The following CDC20B variants were observed in gnomAD, a reference collection of about 807,000 sequenced individuals.
CDC20B encodes the protein cell division cycle 20B.
In CDC20B, 58 loss-of-function variants were observed where a neutral mutation model predicts 64.1. That is an observed-to-expected ratio of 0.90 (90% CI 0.73 to 1.13). The LOEUF is 1.13. Among genes scored for constraint, CDC20B ranks in the 50% most tolerant of loss-of-function variants. CDC20B has a pLI of 0.00. For missense variants in CDC20B, 597 were observed against 633.0 expected (o/e 0.94, Z 0.61); for synonymous variants, 243 against 230.6 (o/e 1.05, Z -0.49).
intron 3 of CDC20B, among the ~76,000 whole-genome samples, chr5:55,144,564 A>G (rs1163061344): frequency 6.6e-6 from 1 of 152,190 alleles, no homozygotes; most frequent in East Asian, 1.9e-4. Flanking sequence ...AGCAATATAT[A>G]TTACATTTAG....
intron 6 of CDC20B, among the ~76,000 whole-genome samples, chr5:55,132,568 A>G (rs1201892948): frequency 6.6e-6 from 1 of 152,142 alleles, no homozygotes; most frequent in Non-Finnish European, 1.5e-5. Context: ...AATAATCATG[A>G]ATTCATTTCT....
chr5:55,119,753 G>C, intron 11 of CDC20B, 48 bp downstream of exon 11: 2 of 1,127,600 alleles, frequency 1.8e-6, no homozygotes, highest in Non-Finnish European at 2.7e-6. Flanking sequence ...CCCAACAACA[G>C]CTCACTTTGC....
chr5:55,132,955 T>C (rs1189566331), intron 6 of CDC20B, among the ~76,000 whole-genome samples: 2 of 152,230 alleles, frequency 1.3e-5, no homozygotes, highest in Non-Finnish European at 2.9e-5. Flanking sequence ...CGAAGCTCAC[T>C]AAGCTCCTTC....
At chr5:55,133,586 C>A in intron 5 of CDC20B, 58 bp from the exon 6 acceptor site, 2 of 746,452 alleles carry the variant, frequency 2.7e-6, no homozygotes, top group Admixed American at 2.9e-5. Context: ...AATATTTATT[C>A]TTGTGGGAAT....
At chr5:55,118,945 C>G (rs570785684) in intron 11 of CDC20B, among the ~76,000 whole-genome samples, 5 of 152,190 alleles carry the variant, frequency 3.3e-5, no homozygotes, top group Non-Finnish European at 5.9e-5. Context: ...TCTCCTCTCA[C>G]AAAAGTGTAG....
At chr5:55,159,112 G>A (rs946246052) in intron 2 of CDC20B, among the ~76,000 whole-genome samples, 14 of 152,214 alleles carry the variant, frequency 9.2e-5, no homozygotes, top group Admixed American at 2.0e-4. Context: ...AACCTCCTGG[G>A]ATCAAGCGAT....
At position 55,127,266 on chromosome 5, in the gene CDC20B, A is replaced by T. The variant is rs1341342207; in HGVS notation, c.980T>A (p.Ile327Asn). Residue 327 changes from isoleucine to asparagine, a missense_variant, in exon 8 of 12, where the codon ATC (isoleucine) becomes AAC (asparagine). Ile to Asn is a moderately radical substitution (Grantham distance 149). Around this residue, in one of 3 missense-constraint regions of CDC20B, gnomAD observed 353 missense variants for 397.0 expected, o/e 0.89. Coordinates refer to ENST00000381375, the MANE Select transcript of CDC20B (RefSeq NM_001170402.1). ...VVGALSWNHF[I>N]LSSGSRLGRV... ...ACAAGACGCTTCTTACCTGCTGAGG[A>T]TAAAGTGATTCCAGCTCAGAGCCCC... 2 of 1,614,014 alleles carry T rather than the reference A, an allele frequency of 1.2e-6. No homozygotes were observed. Among genetic ancestry groups the T allele is most frequent in the Non-Finnish European group, 1.7e-6 (2 of 1,179,860 alleles).
At chr5:55,168,968 C>T (rs7725958) in intron 2 of CDC20B, among the ~76,000 whole-genome samples, 3,463 of 152,180 alleles carry the variant, frequency 0.023, 154 homozygotes, top group African/African-American at 0.079. Context: ...CCCCCTGGAT[C>T]TAAAATAAAA....
chr5:55,120,798 G>A (rs1248706059), intron 9 of CDC20B, among the ~76,000 whole-genome samples: 3 of 152,142 alleles, frequency 2.0e-5, no homozygotes, highest in African/African-American at 7.2e-5. Context: ...GATAACAATT[G>A]TGGATTTTTT....
At chr5:55,127,223 C>T (rs756845368) in intron 8 of CDC20B, 34 bp downstream of exon 8, 15 of 1,562,778 alleles carry the variant, frequency 9.6e-6, no homozygotes, top group Non-Finnish European at 1.8e-6. Flanking sequence ...ATTGTTAATA[C>T]AAACATAACT....
At chr5:55,168,089 A>C (rs1188085142) in intron 2 of CDC20B, among the ~76,000 whole-genome samples, 1 of 151,936 alleles carries the variant, frequency 6.6e-6, no homozygotes, top group Non-Finnish European at 1.5e-5. Flanking sequence ...GCTTGATTTT[A>C]TCTTTCCCAT....
Position 55,114,112 on chromosome 5 carries a change from G to A in CDC20B, c.*106C>T. 2.7e-6 allele frequency: 4 copies of A among 1,459,718 alleles called. No homozygotes were observed. In the South Asian group the frequency reaches 5.9e-5, roughly 22 times the overall value. 90.4% of individuals were successfully genotyped at this position (1,459,718 alleles called of 1,614,324 possible). A position where few individuals can be genotyped will look rare whatever the true frequency, so the allele number is the denominator to read the frequency against. On this transcript the variant is annotated 3_prime_UTR_variant, in exon 12 of 12. Transcript: ENST00000381375. The surrounding 1 kb of genome is among the most constrained non-coding windows in gnomAD (Gnocchi z 4.1). Reference sequence around the variant, plus strand: ...AGAACAGGCATTCACATCAAGAAGAGTATTTCAACTTGTTTGATACTCATA... The same window carrying A: ...AGAACAGGCATTCACATCAAGAAGAATATTTCAACTTGTTTGATACTCATA...
intron 2 of CDC20B, among the ~76,000 whole-genome samples, chr5:55,159,913 T>C (rs1743943821): frequency 6.6e-6 from 1 of 152,240 alleles, no homozygotes; most frequent in African/African-American, 2.4e-5. Flanking sequence ...TCTGGCGAAA[T>C]ATTTTCTTTG....
chr5:55,157,648 T>G (rs537337658), intron 2 of CDC20B, among the ~76,000 whole-genome samples: 1 of 152,254 alleles, frequency 6.6e-6, no homozygotes, highest in Non-Finnish European at 1.5e-5. Context: ...GTGTAAAAAC[T>G]GGCTTATTCA....
chr5:55,148,654 C>T (rs572365529), intron 2 of CDC20B, among the ~76,000 whole-genome samples: 110 of 152,206 alleles, frequency 7.2e-4, no homozygotes, highest in African/African-American at 2.5e-3. Context: ...GCCGCATTGG[C>T]GCTGCTGCAC....
At position 55,125,007 on chromosome 5, in the gene CDC20B, A is replaced by C. The variant is rs200612430; in HGVS notation, c.1011T>G (p.Val337=). Residue 337 remains valine (V), a synonymous_variant, in exon 9 of 12, where the codon GTT becomes GTG. Transcript: ENST00000381375. Reference sequence around the variant, plus strand: ...GGGCTACCCGAACATCGTGATGATAAACACGCCCCAGTCTTGACCCACTGC... The same window carrying C: ...GGGCTACCCGAACATCGTGATGATACACACGCCCCAGTCTTGACCCACTGC... The part of the protein sequence containing the change: ...ILSSGSRLGR[V]YHHDVRVAQH... 6.3e-5 allele frequency: 101 copies of C among 1,613,726 alleles called. No individual in the cohort carries two copies. The highest frequency in any genetic ancestry group is 8.1e-5 in the Non-Finnish European group (95 of 1,179,624).
At chr5:55,122,490 A>ACACTGTCTT (rs1742783282) in intron 9 of CDC20B, among the ~76,000 whole-genome samples, 1 of 152,070 alleles carries the variant, frequency 6.6e-6, no homozygotes, top group Non-Finnish European at 1.5e-5. Context: ...GATAGCTACA[A>ACACTGTCTT]CACTGTCTTT....
chr5:55,120,587 T>C, intron 9 of CDC20B, 37 bp from the exon 10 acceptor site: 1 of 1,608,524 alleles, frequency 6.2e-7, no homozygotes, highest in Non-Finnish European at 8.5e-7. Flanking sequence ...ACAGGTCAGC[T>C]TCAAAGGAGG....
At chr5:55,118,091 C>T (rs1742666475) in intron 11 of CDC20B, among the ~76,000 whole-genome samples, 1 of 151,804 alleles carries the variant, frequency 6.6e-6, no homozygotes, top group African/African-American at 2.4e-5. Context: ...TGAGCTTCAG[C>T]CTAGGCAACA....
Sources: gnomAD v4.1 joint callset for allele counts (sites outside exome capture counted in the v4.1 genomes callset) on GRCh38, gnomAD v4.1.1 for gene constraint, gnomAD v4.1.1 regional missense constraint, Gnocchi (gnomAD v3.1) non-coding constraint, MANE v1.5 for transcripts, NCBI Gene and HGNC (gene_info 2026-07-23, HGNC 2026-07-21) for gene names.